The following NISCH variants were observed in gnomAD, a reference collection of about 807,000 sequenced individuals.
NISCH encodes I-1 receptor candidate protein.
NISCH carries 55 observed loss-of-function variants against 138.4 expected under a neutral mutation model. That is an observed-to-expected ratio of 0.40 (90% CI 0.32 to 0.50). NISCH has a LOEUF of 0.50. Among genes scored for constraint, NISCH ranks in the 20% least tolerant of loss-of-function variants. The pLI is 0.71. For missense variants in NISCH, 1,643 were observed against 2,005.5 expected, an observed-to-expected ratio of 0.82 and a Z score of 3.45; for synonymous variants, 860 against 861.5, an observed-to-expected ratio of 1.00 and a Z score of 0.03.
intron 3 of NISCH, among the ~76,000 whole-genome samples, chr3:52,459,245 T>C (rs1252649637): frequency 6.6e-6 from 1 of 152,148 alleles, no homozygotes; most frequent in Admixed American, 6.5e-5. Context: ...AATATCACCA[T>C]CTTGGGGCGT....
intron 3 of NISCH, among the ~76,000 whole-genome samples, chr3:52,464,168 T>G (rs1706715066): frequency 6.6e-6 from 1 of 151,440 alleles, no homozygotes; most frequent in Non-Finnish European, 1.5e-5. Context: ...AAGGCTGAGG[T>G]GGGCGGATCA....
At chr3:52,463,431 G>A (rs1424672245) in intron 3 of NISCH, among the ~76,000 whole-genome samples, 3 of 152,168 alleles carry the variant, frequency 2.0e-5, no homozygotes, top group Non-Finnish European at 4.4e-5. Context: ...GTTAATTTTT[G>A]TGTGAACTTA....
intron 1 of NISCH, 50 bp from the exon 2 acceptor site, chr3:52,457,793 C>T (rs752333208): frequency 5.4e-6 from 7 of 1,290,432 alleles, no homozygotes; most frequent in East Asian, 4.7e-5. Context: ...GGAGGAGACT[C>T]CTTGTTGCTG....
At chr3:52,476,077 G>T (rs1055527863) in intron 7 of NISCH, among the ~76,000 whole-genome samples, 1 of 152,150 alleles carries the variant, frequency 6.6e-6, no homozygotes, top group Non-Finnish European at 1.5e-5. Context: ...GGCAGAGGTG[G>T]CAGTGAACTG....
chr3:52,479,890 A>C, intron 12 of NISCH, 28 bp downstream of exon 12: 2 of 1,552,040 alleles, frequency 1.3e-6, no homozygotes, highest in South Asian at 2.3e-5. Flanking sequence ...GTGGGAGGGC[A>C]GTGGTGCAGA....
rs1234553064 is a variant in NISCH at position 52,487,931 on chromosome 3, C to G, written c.2439C>G (p.Pro813=). The part of the protein sequence containing the change: ...FHADLRSCFA[P]QHMAMLCSPI... ...CGGACCTGCGCTCATGCTTTGCACC[C>G]CAGCACATGGCCATGCTGTGTAGCC... Residue 813 remains proline (P), a synonymous_variant, in exon 16 of 21, where the codon CCC becomes CCG. Coordinates refer to ENST00000345716, the MANE Select transcript of NISCH (RefSeq NM_007184.4). The surrounding 1 kb of genome is among the most constrained non-coding windows in gnomAD (Gnocchi z 9.1). 6.2e-7 allele frequency: 1 copy of G among 1,611,944 alleles called. No homozygotes were observed.
intron 1 of NISCH, among the ~76,000 whole-genome samples, chr3:52,457,094 T>C (rs1368545089): frequency 6.6e-6 from 1 of 152,238 alleles, no homozygotes. Flanking sequence ...GCATTTTACA[T>C]GCATTGCCTT....
chr3:52,460,223 C>T (rs1357977788), intron 3 of NISCH, among the ~76,000 whole-genome samples: 2 of 130,524 alleles, frequency 1.5e-5, no homozygotes, highest in Non-Finnish European at 3.2e-5. Flanking sequence ...TCAAAGGGTA[C>T]AGCCAGGCTG....
At position 52,478,231 on chromosome 3, in the gene NISCH, C is replaced by T. The variant is rs1294412460; in HGVS notation, c.1122C>T (p.His374=). Residue 374 remains histidine (H), a synonymous_variant, in exon 10 of 21, where the codon CAC becomes CAT. Transcript: ENST00000345716. ...TCCTAGAGAGTCTGAGTGGCCTGCA[C>T]AAGCTCTACTCACTGGTCAACCTGG... The part of the protein sequence containing the change: ...GNLLESLSGL[H]KLYSLVNLDL... The T allele has an allele frequency of 6.2e-7, 1 of 1,614,046 alleles. No homozygotes were observed. Among genetic ancestry groups the T allele is most frequent in the Non-Finnish European group, 8.5e-7 (1 of 1,180,008 alleles).
At chr3:52,479,662 A>C in intron 11 of NISCH, 87 bp from the exon 12 acceptor site, 1 of 947,638 alleles carries the variant, frequency 1.1e-6, no homozygotes. Flanking sequence ...CATGCTCACC[A>C]GTCCCCATGC....
intron 20 of NISCH, 106 bp from the exon 21 acceptor site, chr3:52,491,766 C>T: frequency 4.3e-6 from 6 of 1,401,354 alleles, no homozygotes; most frequent in Middle Eastern, 2.0e-4. Flanking sequence ...GCATCCTCTC[C>T]TGCCTGTCTC....
At chr3:52,460,765 G>A (rs564670112) in intron 3 of NISCH, among the ~76,000 whole-genome samples, 2 of 152,162 alleles carry the variant, frequency 1.3e-5, no homozygotes, top group Non-Finnish European at 2.9e-5. Flanking sequence ...GAAAATTCTA[G>A]AAGGTTTACG....
chr3:52,487,049 G>T lies in NISCH; in HGVS notation c.1704-147G>T. 1.1e-6 allele frequency: 1 copy of T among 890,118 alleles called. No individual in the cohort carries two copies. The highest frequency in any genetic ancestry group is 2.8e-5 in the Admixed American group (1 of 35,444). The allele number at this position is 890,118 out of a possible 1,614,324, so 55.1% of individuals were successfully genotyped here. ...GGCTCCCACCAGGGCCCTCATCCTG[G>T]GAACTGACTTGGCCATGTGGGAGGC... is the stretch of plus-strand genomic sequence containing the variant. On this transcript the variant is annotated intron_variant, in intron 15 of 20. Transcript: ENST00000345716. This position sits in a 1 kb window ranked among gnomAD's most constrained non-coding sequence, Gnocchi z 9.1.
rs752545011 is a variant in NISCH at position 52,488,592 on chromosome 3, G to A, written c.3100G>A (p.Glu1034Lys). 1.5e-5 allele frequency: 24 copies of A among 1,610,144 alleles called. No homozygotes were observed. Among genetic ancestry groups the A allele is most frequent in the South Asian group, 4.4e-5 (4 of 90,838 alleles). The change falls in exon 16 of 21, where the codon GAG becomes AAG. Residue 1034 changes from glutamate (E) to lysine (K), a missense_variant. By Grantham distance (56) the Glu-to-Lys change is moderately conservative. Transcript: ENST00000345716. ...CTCCTTTGCGGATGGCCAGCCTGCC[G>A]AGCGCAGGGCCAGGTGAGATCAAGC... ...QGSFADGQPA[E>K]RRASNDQRPQ...
At chr3:52,459,979 A>G (rs1323212708) in intron 3 of NISCH, among the ~76,000 whole-genome samples, 3 of 150,634 alleles carry the variant, frequency 2.0e-5, no homozygotes, top group Middle Eastern at 3.4e-3. Flanking sequence ...TCAGGAGTTC[A>G]AGACCATCCT....
chr3:52,472,015 G>T (rs766788462), intron 5 of NISCH, 38 bp downstream of exon 5: 20 of 1,538,684 alleles, frequency 1.3e-5, no homozygotes, highest in Non-Finnish European at 1.7e-5. Flanking sequence ...GAGCCCCGCA[G>T]TCGGTGGGGG....
chr3:52,489,820 G>A, intron 17 of NISCH, 142 bp downstream of exon 17: 2 of 1,392,940 alleles, frequency 1.4e-6, no homozygotes, highest in Non-Finnish European at 1.9e-6. Context: ...TTGAGGACCT[G>A]GGCAGTGAGG....
chr3:52,463,406 T>TATG (rs1706690312), intron 3 of NISCH, among the ~76,000 whole-genome samples: 1 of 152,274 alleles, frequency 6.6e-6, no homozygotes, highest in Non-Finnish European at 1.5e-5. Context: ...ATGATGCTGC[T>TATG]ATGAGCATTT....
intron 9 of NISCH, 46 bp from the exon 10 acceptor site, chr3:52,478,051 G>C: frequency 6.3e-7 from 1 of 1,599,476 alleles, no homozygotes; most frequent in Non-Finnish European, 8.5e-7. Context: ...CCTATCTTTG[G>C]AGACTTGACC....
Sources: allele counts gnomAD v4.1 joint callset (sites outside exome capture counted in the v4.1 genomes callset), GRCh38; gene constraint gnomAD v4.1.1; non-coding constraint Gnocchi (gnomAD v3.1); transcripts MANE v1.5; gene names NCBI Gene and HGNC (gene_info 2026-07-23, HGNC 2026-07-21).